Variants in ZHX2 observed in about 807,000 individuals in gnomAD.
The protein encoded by ZHX2 is zinc fingers and homeoboxes 2.
A neutral mutation model predicts 21.9 loss-of-function variants in ZHX2; 6 were observed. That is an observed-to-expected ratio of 0.27 (90% confidence interval 0.15 to 0.54). ZHX2 has a LOEUF of 0.54. ZHX2 is among the 20% of genes least tolerant of loss of function. The pLI, the probability that ZHX2 is intolerant of heterozygous loss-of-function variation, is 0.95. For missense variants in ZHX2, 908 were observed against 1,090.7 expected (o/e 0.83, Z 2.36); for synonymous variants, 434 against 437.1 (o/e 0.99, Z 0.09).
chr8:122,794,034 A>C (rs1032712137), intron 1 of ZHX2, among the ~76,000 whole-genome samples: 3 of 152,166 alleles, frequency 2.0e-5, no homozygotes, highest in Admixed American at 6.5e-5. Context: ...TGAGTCCTTG[A>C]GTTTGCTGAA....
intron 3 of ZHX2, among the ~76,000 whole-genome samples, chr8:122,966,405 T>G (rs1031554763): frequency 6.6e-6 from 1 of 152,218 alleles, no homozygotes; most frequent in Non-Finnish European, 1.5e-5. Context: ...ATCTCCTTCA[T>G]TTATCAAACT....
chr8:122,882,897 G>A (rs953745889), intron 2 of ZHX2, among the ~76,000 whole-genome samples: 3 of 152,062 alleles, frequency 2.0e-5, no homozygotes, highest in South Asian at 2.1e-4. Context: ...TAGGAGAATC[G>A]CTTGAACCTG....
At chr8:122,837,221 C>T (rs1818523286) in intron 1 of ZHX2, among the ~76,000 whole-genome samples, 1 of 152,156 alleles carries the variant, frequency 6.6e-6, no homozygotes, top group African/African-American at 2.4e-5. Context: ...TATTCCTTTA[C>T]TTTCTTAATA....
In ZHX2 at chr8:122,828,610, G is replaced by A. The variant is rs1159841959; in HGVS notation, c.-282-34867G>A. ...CTCATGCTCTGTGTAATAACTAGGC[G>A]GGGCCATGGGCTGTGGGGGATGTGC... On this transcript the variant is annotated intron_variant, in intron 1 of 3. Coordinates refer to ENST00000314393, the MANE Select transcript of ZHX2 (RefSeq NM_014943.5). The surrounding 1 kb of genome is among the most constrained non-coding windows in gnomAD (Gnocchi z 5.2). Among the ~76,000 whole-genome samples the A allele has an allele frequency of 6.6e-6, 1 of 152,230 alleles. No individual in the cohort carries two copies. The highest frequency in any genetic ancestry group is 1.5e-5 in the Non-Finnish European group (1 of 68,042).
intron 1 of ZHX2, among the ~76,000 whole-genome samples, chr8:122,796,768 T>C (rs1308574537): frequency 6.6e-6 from 1 of 152,198 alleles, no homozygotes; most frequent in African/African-American, 2.4e-5. Flanking sequence ...GCTTAAATAG[T>C]ATTTTAACAA....
chr8:122,879,448 A>G (rs955274074), intron 2 of ZHX2, among the ~76,000 whole-genome samples: 2 of 148,872 alleles, frequency 1.3e-5, no homozygotes, highest in African/African-American at 5.0e-5. Context: ...CTCGTGATCC[A>G]CCCACCTTGG....
At chr8:122,947,548 C>T (rs1030909362) in intron 2 of ZHX2, among the ~76,000 whole-genome samples, 20 of 152,342 alleles carry the variant, frequency 1.3e-4, no homozygotes, top group Admixed American at 7.8e-4. Context: ...TGGATAGACA[C>T]TTGCTCCTCT....
rs189845723 is a variant in ZHX2, at chr8:122,913,760, T to C, written c.-219-37532T>C. Among the ~76,000 whole-genome samples the C allele has an allele frequency of 1.6e-4, 25 of 152,298 alleles. No individual in the cohort carries two copies. The East Asian group carries it at 4.8e-3, about 29-fold the overall frequency. On this transcript the variant is annotated intron_variant, in intron 2 of 3. Transcript: ENST00000314393. ...ACCCTCCTTGACCACAGAGCACATG[T>C]TTCACGTTACTTATGGCTCTTTCCT...
At chr8:122,904,872 G>A (rs897721374) in intron 2 of ZHX2, among the ~76,000 whole-genome samples, 2 of 152,130 alleles carry the variant, frequency 1.3e-5, no homozygotes, top group African/African-American at 4.8e-5. Flanking sequence ...TTATAAAGCA[G>A]CCATCATAAA....
In ZHX2 at chr8:122,828,935, A is replaced by G. The variant is rs1197058078; in HGVS notation, c.-282-34542A>G. Reference sequence around the variant, plus strand: ...TATCCACTACAAATTGAAGAAATTGATCTTTTTTTCAGTTATTAAAACACT... The same window carrying G: ...TATCCACTACAAATTGAAGAAATTGGTCTTTTTTTCAGTTATTAAAACACT... On this transcript the variant is annotated intron_variant, in intron 1 of 3. Coordinates refer to ENST00000314393, the MANE Select transcript of ZHX2 (RefSeq NM_014943.5). This position sits in a 1 kb window ranked among gnomAD's most constrained non-coding sequence, Gnocchi z 5.2. 2.0e-5 allele frequency among the ~76,000 whole-genome samples: 3 copies of G among 152,206 alleles called. No individual in the cohort carries two copies. The highest frequency in any genetic ancestry group is 7.2e-5 in the African/African-American group (3 of 41,448).
intron 2 of ZHX2, among the ~76,000 whole-genome samples, chr8:122,883,848 C>T (rs1174120771): frequency 2.0e-5 from 3 of 152,174 alleles, no homozygotes; most frequent in Admixed American, 6.5e-5. Context: ...ACGGGTTTGG[C>T]TCTTAATGCA....
At chr8:122,903,198 G>A (rs1418735291) in intron 2 of ZHX2, among the ~76,000 whole-genome samples, 1 of 152,200 alleles carries the variant, frequency 6.6e-6, no homozygotes, top group African/African-American at 2.4e-5. Context: ...TCTTACTGGT[G>A]TTTAAGATAA....
At chr8:122,840,316 G>A (rs1818597067) in intron 1 of ZHX2, among the ~76,000 whole-genome samples, 1 of 152,178 alleles carries the variant, frequency 6.6e-6, no homozygotes, top group African/African-American at 2.4e-5. Flanking sequence ...AAGTTTGGTA[G>A]AGTGTCGTGG....
chr8:122,907,609 G>A (rs529245297), intron 2 of ZHX2, among the ~76,000 whole-genome samples: 3 of 152,154 alleles, frequency 2.0e-5, no homozygotes, highest in African/African-American at 4.8e-5. Flanking sequence ...AGAGGTATTG[G>A]ACAAATGAAA....
At chr8:122,875,478 A>C (rs1283456541) in intron 2 of ZHX2, among the ~76,000 whole-genome samples, 1 of 152,096 alleles carries the variant, frequency 6.6e-6, no homozygotes, top group Non-Finnish European at 1.5e-5. Context: ...TGGGTGCTGT[A>C]CTAGATGATC....
intron 2 of ZHX2, among the ~76,000 whole-genome samples, chr8:122,868,335 T>C (rs982762125): frequency 2.6e-5 from 4 of 152,076 alleles, no homozygotes; most frequent in Admixed American, 1.3e-4. Flanking sequence ...AGGAGAAAGA[T>C]TAAGTTAACA....
chr8:122,960,914 C>A (rs1813427105), intron 3 of ZHX2, among the ~76,000 whole-genome samples: 1 of 152,198 alleles, frequency 6.6e-6, no homozygotes, highest in Admixed American at 6.5e-5. Flanking sequence ...TTGCAAATGT[C>A]CTGGGCATTC....
At chr8:122,947,190 G>C (rs1812998322) in intron 2 of ZHX2, among the ~76,000 whole-genome samples, 1 of 151,680 alleles carries the variant, frequency 6.6e-6, no homozygotes, top group Non-Finnish European at 1.5e-5. Flanking sequence ...TGCTTGAACT[G>C]GGAGGCAGAG....
At chr8:122,909,898 G>A (rs1050829035) in intron 2 of ZHX2, among the ~76,000 whole-genome samples, 4 of 152,210 alleles carry the variant, frequency 2.6e-5, no homozygotes, top group African/African-American at 9.6e-5. Context: ...TGCCTTCATT[G>A]GCTGCCCCAG....
Sources: gnomAD v4.1 joint callset for allele counts (sites outside exome capture counted in the v4.1 genomes callset) on GRCh38, gnomAD v4.1.1 for gene constraint, Gnocchi (gnomAD v3.1) non-coding constraint, MANE v1.5 for transcripts, NCBI Gene and HGNC (gene_info 2026-07-23, HGNC 2026-07-21) for gene names.